MICALL1: variants seen among roughly 807,000 people sequenced by gnomAD.
MICALL1 encodes MICAL-like protein 1.
A neutral mutation model predicts 83.7 loss-of-function variants in MICALL1; 61 were observed. The ratio of observed to expected loss-of-function variants is 0.73; its 90% CI spans 0.59 to 0.90. The LOEUF is 0.90. Among genes scored for constraint, MICALL1 ranks in the 40% least tolerant of loss-of-function variants. MICALL1 has a pLI of 0.00. For missense variants in MICALL1, 1,066 were observed against 1,152.0 expected (o/e 0.93, Z 1.08); for synonymous variants, 481 against 473.6 (o/e 1.02, Z -0.20).
chr22:37,910,992 T>C lies in MICALL1; in HGVS notation c.147-960T>C, dbSNP rs1360686557. On this transcript the variant is annotated intron_variant, in intron 1 of 15. Coordinates refer to ENST00000215957, the MANE Select transcript of MICALL1 (RefSeq NM_033386.4). ...CAGTCAGGGCTGCAGTTTTCAGCCA[T>C]AGAAGGGCAAGGCTGCATGCGGATG... Among the ~76,000 whole-genome samples, 3 of 152,276 alleles carry C rather than the reference T, an allele frequency of 2.0e-5. No homozygotes were observed. In the East Asian group the frequency reaches 5.8e-4, roughly 29 times the overall value.
intron 6 of MICALL1, among the ~76,000 whole-genome samples, 155 bp downstream of exon 6, chr22:37,922,581 A>T (rs1481413707): frequency 1.6e-4 from 11 of 67,430 alleles, no homozygotes; most frequent in African/African-American, 6.7e-4. Flanking sequence ...AGGTTATTAT[A>T]TATATATATA....
rs2145680758 is a variant in MICALL1, at chr22:37,942,242, C to T, written c.*1412C>T. 6.6e-6 allele frequency: 1 copy of T among 152,366 alleles called. No homozygotes were observed. The highest frequency in any genetic ancestry group is 2.1e-4 in the South Asian group (1 of 4,824). The allele number at this position is 152,366 out of a possible 1,614,324, so 9.4% of individuals were successfully genotyped here. A position where few individuals can be genotyped will look rare whatever the true frequency, so the allele number is the denominator to read the frequency against. On this transcript the variant is annotated 3_prime_UTR_variant, in exon 16 of 16. Transcript: ENST00000215957. ...GCTCCTTCTAAACATGCCTGTTGAC[C>T]TGGAGCTGGCGCCACCAACTCCAGG...
chr22:37,936,416 C>T (rs1166838110), intron 13 of MICALL1, among the ~76,000 whole-genome samples: 3 of 152,184 alleles, frequency 2.0e-5, no homozygotes, highest in African/African-American at 4.8e-5. Flanking sequence ...TCTTGCCTCC[C>T]GCCAGAAGCC....
At chr22:37,914,613 G>A (rs952802979) in intron 3 of MICALL1, among the ~76,000 whole-genome samples, 6 of 151,284 alleles carry the variant, frequency 4.0e-5, no homozygotes, top group African/African-American at 9.7e-5. Context: ...ATATGCGTGC[G>A]CGCACACACA....
chr22:37,940,182 T>C (rs866584351), intron 15 of MICALL1, among the ~76,000 whole-genome samples: 2 of 152,086 alleles, frequency 1.3e-5, no homozygotes, highest in Non-Finnish European at 2.9e-5. Context: ...CCTAGCAGTT[T>C]GGGAGGCTGA....
rs182277707 is a variant in MICALL1 at position 37,916,179 on chromosome 22, G to A, written c.338-1528G>A. 3.5e-3 allele frequency among the ~76,000 whole-genome samples: 531 copies of A among 152,290 alleles called. 5 individuals are homozygous for A. Among genetic ancestry groups the A allele is most frequent in the African/African-American group, 0.012 (485 of 41,548 alleles). ...CCTGGTGGGCAGGGGCAGCCCTGGT[G>A]GGCACAGCTTACCGTGCTGAGTGTG... On this transcript the variant is annotated intron_variant, in intron 3 of 15. Coordinates refer to ENST00000215957, the MANE Select transcript of MICALL1 (RefSeq NM_033386.4).
chr22:37,924,608 G>A lies in MICALL1; in HGVS notation c.1025-52G>A. ...AGGTGCTGTGGCTGGCTCCCTGGGT[G>A]CCCACCTCCTGCTGCCCATGAAGGC... On this transcript the variant is annotated intron_variant, in intron 6 of 15. Coordinates refer to ENST00000215957, the MANE Select transcript of MICALL1 (RefSeq NM_033386.4). The surrounding 1 kb of genome is among the most constrained non-coding windows in gnomAD (Gnocchi z 5.2). The A allele has an allele frequency of 1.3e-6, 2 of 1,575,614 alleles. No individual in the cohort carries two copies. Among genetic ancestry groups the A allele is most frequent in the Non-Finnish European group, 1.7e-6 (2 of 1,153,444 alleles).
intron 2 of MICALL1, 113 bp from the exon 3 acceptor site, chr22:37,912,238 C>T: frequency 1.5e-6 from 2 of 1,342,430 alleles, no homozygotes; most frequent in Non-Finnish European, 2.0e-6. Flanking sequence ...GGGGAGCCCA[C>T]AGTCACCCCA....
At position 37,925,855 on chromosome 22, in the gene MICALL1, C is replaced by T; in HGVS notation, c.1277C>T (p.Pro426Leu). Reference sequence around the variant, plus strand: ...AGCCTGGAGTCCAAACCCTATAACCCCTTTGAGGAGGAGGAGGAGGACAAG... The same window carrying T: ...AGCCTGGAGTCCAAACCCTATAACCTCTTTGAGGAGGAGGAGGAGGACAAG... ...TASLESKPYN[P>L]FEEEEEDKEE... Residue 426 changes from proline (P) to leucine (L), a missense_variant, in exon 8 of 16, where the codon CCC (proline) becomes CTC (leucine). Pro to Leu is a moderately conservative substitution (Grantham distance 98). Transcript: ENST00000215957. 2 of 1,613,934 alleles carry T rather than the reference C, an allele frequency of 1.2e-6. No homozygotes were observed. The highest frequency in any genetic ancestry group is 1.7e-6 in the Non-Finnish European group (2 of 1,179,980).
At chr22:37,912,961 C>T (rs1928434333) in intron 3 of MICALL1, among the ~76,000 whole-genome samples, 1 of 150,586 alleles carries the variant, frequency 6.6e-6, no homozygotes, top group Admixed American at 6.6e-5. Flanking sequence ...GTGCCCAGTC[C>T]CACTTTTTTT....
intron 13 of MICALL1, among the ~76,000 whole-genome samples, chr22:37,935,488 T>C (rs1267183853): frequency 6.6e-6 from 1 of 151,220 alleles, no homozygotes; most frequent in African/African-American, 2.4e-5. Flanking sequence ...CTTGATCTCC[T>C]GACCTCGTGA....
chr22:37,912,735 C>T (rs1311412498), intron 3 of MICALL1, among the ~76,000 whole-genome samples: 6 of 150,242 alleles, frequency 4.0e-5, no homozygotes, highest in Non-Finnish European at 5.9e-5. Context: ...GGCACGATCT[C>T]GGCTCACTGC....
At chr22:37,917,062 G>A (rs1928723431) in intron 3 of MICALL1, among the ~76,000 whole-genome samples, 1 of 152,092 alleles carries the variant, frequency 6.6e-6, no homozygotes, top group Non-Finnish European at 1.5e-5. Flanking sequence ...AGTAGAGATG[G>A]TGTTTCACTA....
At chr22:37,907,679 C>T (rs961189205) in intron 1 of MICALL1, among the ~76,000 whole-genome samples, 1 of 152,224 alleles carries the variant, frequency 6.6e-6, no homozygotes, top group African/African-American at 2.4e-5. Flanking sequence ...AAGGGATTGC[C>T]TCAGGATTCC....
At chr22:37,907,812 G>A (rs1190919262) in intron 1 of MICALL1, among the ~76,000 whole-genome samples, 1 of 152,234 alleles carries the variant, frequency 6.6e-6, no homozygotes, top group Non-Finnish European at 1.5e-5. Flanking sequence ...AGATGAGGTG[G>A]TCATGTAGGT....
chr22:37,933,312 C>G (rs778143473), intron 13 of MICALL1, among the ~76,000 whole-genome samples, 200 bp downstream of exon 13: 3 of 152,098 alleles, frequency 2.0e-5, no homozygotes, highest in Non-Finnish European at 4.4e-5. Flanking sequence ...CTGGCTGGGG[C>G]TGTGGTAGGA....
chr22:37,923,729 G>A (rs1310313833), intron 6 of MICALL1, among the ~76,000 whole-genome samples: 2 of 152,180 alleles, frequency 1.3e-5, no homozygotes, highest in East Asian at 1.9e-4. Context: ...GCATGTGCCC[G>A]TGTGTCCCCG....
rs950965764 is a variant in MICALL1, at chr22:37,922,347, AC to A, written c.951del (p.Thr318ArgfsTer23). 3.3e-6 allele frequency: 5 copies of A among 1,512,266 alleles called. No individual in the cohort carries two copies. Among genetic ancestry groups the A allele is most frequent in the Non-Finnish European group, 1.8e-6 (2 of 1,130,504 alleles). The allele number at this position is 1,512,266 out of a possible 1,614,324, so 93.7% of individuals were successfully genotyped here. A position where few individuals can be genotyped will look rare whatever the true frequency, so the allele number is the denominator to read the frequency against. On this transcript the variant is annotated frameshift_variant, in exon 6 of 16. Coordinates refer to ENST00000215957, the MANE Select transcript of MICALL1 (RefSeq NM_033386.4). LOFTEE classifies it high-confidence loss of function. ...AGGCCTCTGAGAGCACCACCCCAGCACCCCCCACGCCCCGGCCCCGCTCCAG... is the reference window on the plus strand; with the variant it reads ...AGGCCTCTGAGAGCACCACCCCAGCACCCCCACGCCCCGGCCCCGCTCCAG... Reference protein sequence around the residue: ...RKASESTTPAPPTPRPRSSLQ... With the variant: ...RKASESTTPAXPTPRPRSSLQ...
intron 3 of MICALL1, among the ~76,000 whole-genome samples, chr22:37,915,038 G>A (rs1319258530): frequency 1.3e-5 from 2 of 152,018 alleles, no homozygotes; most frequent in Non-Finnish European, 2.9e-5. Context: ...CAGGTGGATT[G>A]CTGTTGAGAC....
Sources: allele counts gnomAD v4.1 joint callset (sites outside exome capture counted in the v4.1 genomes callset), GRCh38; gene constraint gnomAD v4.1.1; non-coding constraint Gnocchi (gnomAD v3.1); transcripts MANE v1.5; gene names NCBI Gene and HGNC (gene_info 2026-07-23, HGNC 2026-07-21).